MAP3K12: variants seen among roughly 807,000 people sequenced by gnomAD.
MAP3K12 encodes MAPK-upstream kinase.
A neutral mutation model predicts 87.5 loss-of-function variants in MAP3K12; 14 were observed. That is an observed-to-expected ratio of 0.16 (90% confidence interval 0.11 to 0.25). The LOEUF is 0.25. MAP3K12 is among the 10% of genes least tolerant of loss of function. The pLI is 1.00. For synonymous variants in MAP3K12, 469 were observed against 452.5 expected (o/e 1.04, Z -0.46); for missense variants, 802 against 1,140.4 (o/e 0.70, Z 4.27).
chr12:53,488,697 A>G (rs979934792), intron 1 of MAP3K12, among the ~76,000 whole-genome samples: 1 of 152,018 alleles, frequency 6.6e-6, no homozygotes, highest in African/African-American at 2.4e-5. Flanking sequence ...CAACCATTAA[A>G]AAACCTGAAT....
Position 53,482,164 on chromosome 12 carries a change from G to T in MAP3K12, c.2357C>A (p.Ser786Ter). The T allele has an allele frequency of 6.2e-7, 1 of 1,614,196 alleles. No individual in the cohort carries two copies. Among genetic ancestry groups the T allele is most frequent in the South Asian group, 1.1e-5 (1 of 91,086 alleles). ...TTCCTCCCCATCTGATGGATTCTCTGAGCTGAAGGTAGATAGTGACTGGCG... is the reference window on the plus strand; with the variant it reads ...TTCCTCCCCATCTGATGGATTCTCTTAGCTGAAGGTAGATAGTGACTGGCG... ...NMRQSLSTFS[S>*]ENPSDGEEGT... The change falls in exon 13 of 14, where the codon TCA becomes TAA. Residue 786 changes from serine (S) to a stop codon, truncating the protein, a stop_gained. Coordinates refer to ENST00000547488, the MANE Select transcript of MAP3K12 (RefSeq NM_001193511.2). LOFTEE classifies it high-confidence loss of function.
At chr12:53,484,857 T>C in intron 6 of MAP3K12, 199 bp downstream of exon 6, 1 of 640,400 alleles carries the variant, frequency 1.6e-6, no homozygotes, top group Non-Finnish European at 2.7e-6. Flanking sequence ...AAGTGTATTT[T>C]ATAGATGAGG....
intron 13 of MAP3K12, 127 bp downstream of exon 13, chr12:53,481,814 G>T: frequency 8.5e-7 from 1 of 1,176,056 alleles, no homozygotes; most frequent in Non-Finnish European, 1.2e-6. Context: ...ATTCCACCAC[G>T]TGGATATTTG....
chr12:53,488,000 C>G (rs1243663496), intron 1 of MAP3K12: 1 of 152,996 alleles, frequency 6.5e-6, no homozygotes, highest in Non-Finnish European at 1.5e-5. Context: ...GCGATGCACC[C>G]GGGCCTCCCA....
At chr12:53,483,546 A>G in intron 9 of MAP3K12, 60 bp from the exon 10 acceptor site, 1 of 1,613,974 alleles carries the variant, frequency 6.2e-7, no homozygotes, top group Non-Finnish European at 8.5e-7. Flanking sequence ...CCCCAGTCTC[A>G]GTAGGACCTC....
chr12:53,495,774 C>A (rs956258597), intron 1 of MAP3K12, among the ~76,000 whole-genome samples: 2 of 152,072 alleles, frequency 1.3e-5, no homozygotes, highest in Non-Finnish European at 2.9e-5. Flanking sequence ...TTTCTTAGTG[C>A]CCTCATGAGG....
chr12:53,498,249 C>G (rs1412129132), intron 1 of MAP3K12, among the ~76,000 whole-genome samples: 1 of 152,174 alleles, frequency 6.6e-6, no homozygotes, highest in Admixed American at 6.5e-5. Context: ...CACTTGAGTC[C>G]TATCCTTCCT....
Position 53,483,061 on chromosome 12 carries a change from C to G in MAP3K12, c.1742G>C (p.Arg581Pro), listed in dbSNP as rs374436740. The G allele has an allele frequency of 1.9e-6, 3 of 1,543,858 alleles. No homozygotes were observed. The highest frequency in any genetic ancestry group is 2.8e-5 in the African/African-American group (2 of 72,414). Reference sequence around the variant, plus strand: ...ACAGCTCCCCTTGGCGCTGGCCTTGCGGTGACGGGTCTTGCCACGGCGACT... The same window carrying G: ...ACAGCTCCCCTTGGCGCTGGCCTTGGGGTGACGGGTCTTGCCACGGCGACT... ...GRSRRGKTRH[R>P]KASAKGSCGD... The change falls in exon 11 of 14, where the codon CGC becomes CCC. Residue 581 changes from arginine (R) to proline (P), a missense_variant. Transcript: ENST00000547488.
rs1021773163 is a variant in MAP3K12, at chr12:53,493,646, G to A, written c.-38+5781C>T. On this transcript the variant is annotated intron_variant, in intron 1 of 13. Transcript: ENST00000547488. ...ATGAAAGGGGAGTGAGAAACACGGA[G>A]AACACCCATCTCCTTTTCTGTCTAG... The A allele has an allele frequency of 3.9e-5, 6 of 152,194 alleles. No individual in the cohort carries two copies. The East Asian group carries it at 1.2e-3, about 29-fold the overall frequency. 9.4% of individuals were successfully genotyped at this position (152,194 alleles called of 1,614,324 possible). A position where few individuals can be genotyped will look rare whatever the true frequency, so the allele number is the denominator to read the frequency against.
upstream of MAP3K12, chr12:53,501,403 G>A (rs781681576): frequency 1.3e-4 from 196 of 1,562,944 alleles, no homozygotes; most frequent in Non-Finnish European, 2.6e-5. Flanking sequence ...GGGGACGGAG[G>A]AGGGAATGAG....
Position 53,482,547 on chromosome 12 carries a change from A to AG in MAP3K12, c.2238+17dup, listed in dbSNP as rs1943094400. On this transcript the variant is annotated intron_variant, in intron 11 of 13. Coordinates refer to ENST00000547488, the MANE Select transcript of MAP3K12 (RefSeq NM_001193511.2). ...TAAGGAAAAAGGGAAAGAGCTTGGG[A>AG]GCCTTCCCATACTTTACCTGACTTC... 1 of 1,597,780 alleles carries AG rather than the reference A, an allele frequency of 6.3e-7. No homozygotes were observed. The highest frequency in any genetic ancestry group is 8.5e-7 in the Non-Finnish European group (1 of 1,172,000).
At chr12:53,491,301 A>G (rs12369112) in intron 1 of MAP3K12, among the ~76,000 whole-genome samples, 9 of 101,590 alleles carry the variant, frequency 8.9e-5, no homozygotes, top group African/African-American at 2.6e-4. Context: ...AAAAAAAAAA[A>G]AAAAGAAAAG....
chr12:53,488,521 C>T (rs1266552796), intron 1 of MAP3K12, among the ~76,000 whole-genome samples: 4 of 152,046 alleles, frequency 2.6e-5, no homozygotes, highest in Non-Finnish European at 5.9e-5. Flanking sequence ...ATTAGCTAGG[C>T]GTGGTGGCAC....
chr12:53,501,466 G>A, upstream of MAP3K12: 5 of 1,565,234 alleles, frequency 3.2e-6, no homozygotes, highest in Non-Finnish European at 3.5e-6. Context: ...GCCTAGGTGA[G>A]CCGTCTCGTA....
intron 1 of MAP3K12, among the ~76,000 whole-genome samples, chr12:53,495,035 C>A (rs1359776856): frequency 6.6e-6 from 1 of 151,860 alleles, no homozygotes; most frequent in Non-Finnish European, 1.5e-5. Context: ...CACTCACCAC[C>A]ACACCAGACT....
chr12:53,486,388 C>T lies in MAP3K12; in HGVS notation c.629+51G>A, dbSNP rs989693542. The T allele has an allele frequency of 6.3e-7, 1 of 1,599,726 alleles. No homozygotes were observed. The highest frequency in any genetic ancestry group is 1.7e-5 in the Admixed American group (1 of 59,304). On this transcript the variant is annotated intron_variant, in intron 3 of 13. Transcript: ENST00000547488. This position sits in a 1 kb window ranked among gnomAD's most constrained non-coding sequence, Gnocchi z 4.9. ...GTAGGTCCCACTGCCCAGGAGGGTACCAGGCCTTAGCATAGTATCCCCAAC... is the reference window on the plus strand; with the variant it reads ...GTAGGTCCCACTGCCCAGGAGGGTATCAGGCCTTAGCATAGTATCCCCAAC...
At chr12:53,490,685 G>A (rs950489104) in intron 1 of MAP3K12, among the ~76,000 whole-genome samples, 1 of 151,128 alleles carries the variant, frequency 6.6e-6, no homozygotes, top group Admixed American at 6.6e-5. Context: ...TGGAGGTTGA[G>A]CAGTGAGCCG....
chr12:53,485,519 A>C, intron 4 of MAP3K12, 44 bp from the exon 5 acceptor site: 1 of 1,581,564 alleles, frequency 6.3e-7, no homozygotes, highest in Non-Finnish European at 8.6e-7. Flanking sequence ...CCCTCCACAC[A>C]CCTCATCTAA....
At chr12:53,493,565 G>C (rs1943474320) in intron 1 of MAP3K12, 1 of 152,852 alleles carries the variant, frequency 6.5e-6, no homozygotes. Flanking sequence ...AGTCAACCCC[G>C]AGAAGGATGG....
Sources: gnomAD v4.1 joint callset for allele counts (sites outside exome capture counted in the v4.1 genomes callset) on GRCh38, gnomAD v4.1.1 for gene constraint, Gnocchi (gnomAD v3.1) non-coding constraint, MANE v1.5 for transcripts, NCBI Gene and HGNC (gene_info 2026-07-23, HGNC 2026-07-21) for gene names.